The following HS3ST4 variants were observed in gnomAD, a reference collection of about 807,000 sequenced individuals.
HS3ST4 encodes the protein heparan sulfate-glucosamine 3-sulfotransferase 4.
In HS3ST4, 17 loss-of-function variants were observed where a neutral mutation model predicts 29.2. The observed-to-expected ratio is 0.58, with a 90% CI of 0.40 to 0.87. The LOEUF (loss-of-function observed/expected upper bound fraction) is 0.87. Among genes scored for constraint, HS3ST4 ranks in the 40% least tolerant of loss-of-function variants. HS3ST4 has a pLI of 0.00. For missense variants in HS3ST4, 627 were observed against 634.5 expected (o/e 0.99, Z 0.13); for synonymous variants, 314 against 285.7 (o/e 1.10, Z -1.00).
At chr16:25,716,702 A>G (rs963994162) in intron 1 of HS3ST4, among the ~76,000 whole-genome samples, 33 of 152,216 alleles carry the variant, frequency 2.2e-4, no homozygotes, top group African/African-American at 7.7e-4. Context: ...CAGGCAGAGC[A>G]TCTTATGAAG....
intron 1 of HS3ST4, among the ~76,000 whole-genome samples, chr16:25,975,107 G>C (rs185887064): frequency 1.3e-5 from 2 of 152,148 alleles, no homozygotes; most frequent in Non-Finnish European, 2.9e-5. Context: ...ATACTACAAA[G>C]CTGTAAAAAA....
chr16:26,067,284 A>G (rs1053490173), intron 1 of HS3ST4, among the ~76,000 whole-genome samples: 13 of 152,160 alleles, frequency 8.5e-5, no homozygotes, highest in African/African-American at 3.1e-4. Context: ...CCTAGAGAGA[A>G]GTTCTGAATC....
intron 1 of HS3ST4, among the ~76,000 whole-genome samples, chr16:25,768,308 T>A (rs1322322888): frequency 6.6e-6 from 1 of 152,322 alleles, no homozygotes; most frequent in Admixed American, 6.5e-5. Context: ...TGACATAACT[T>A]TGCTGAATAG....
At chr16:25,839,731 T>C (rs1184548593) in intron 1 of HS3ST4, among the ~76,000 whole-genome samples, 1 of 152,218 alleles carries the variant, frequency 6.6e-6, no homozygotes, top group Non-Finnish European at 1.5e-5. Context: ...CATGAGAGTC[T>C]AGGTCAGTCA....
At chr16:25,995,232 G>A (rs1256687024) in intron 1 of HS3ST4, among the ~76,000 whole-genome samples, 1 of 152,102 alleles carries the variant, frequency 6.6e-6, no homozygotes, top group Non-Finnish European at 1.5e-5. Flanking sequence ...CTGTGCAGAG[G>A]GTAGCAGCCC....
chr16:25,950,163 G>A (rs575947455), intron 1 of HS3ST4, among the ~76,000 whole-genome samples: 125 of 152,204 alleles, frequency 8.2e-4, no homozygotes, highest in Non-Finnish European at 1.1e-3. Flanking sequence ...GAAAAAAAAT[G>A]GAGGCTCTCA....
At chr16:25,765,320 G>A (rs141296398) in intron 1 of HS3ST4, among the ~76,000 whole-genome samples, 37 of 152,290 alleles carry the variant, frequency 2.4e-4, no homozygotes, top group African/African-American at 8.2e-4. Context: ...ATGCGGAGAC[G>A]CCGCTGGGAA....
chr16:25,751,103 G>C (rs1966716394), intron 1 of HS3ST4, among the ~76,000 whole-genome samples: 1 of 152,170 alleles, frequency 6.6e-6, no homozygotes, highest in South Asian at 2.1e-4. Context: ...GCTTAAAACT[G>C]CACAACTCCT....
At chr16:25,700,635 G>A (rs566349357) in intron 1 of HS3ST4, among the ~76,000 whole-genome samples, 3 of 152,272 alleles carry the variant, frequency 2.0e-5, no homozygotes, top group African/African-American at 7.2e-5. Context: ...TAAGGGTTTT[G>A]GTTTTGCATA....
At chr16:25,828,102 G>A (rs982282642) in intron 1 of HS3ST4, among the ~76,000 whole-genome samples, 2 of 151,752 alleles carry the variant, frequency 1.3e-5, no homozygotes, top group African/African-American at 4.8e-5. Context: ...TAGATAAAAA[G>A]CATAGTACCT....
At chr16:26,110,316 G>A (rs563912333) in intron 1 of HS3ST4, among the ~76,000 whole-genome samples, 1 of 152,186 alleles carries the variant, frequency 6.6e-6, no homozygotes, top group Non-Finnish European at 1.5e-5. Flanking sequence ...ATGTTCACCT[G>A]TTGATGGACA....
intron 1 of HS3ST4, among the ~76,000 whole-genome samples, chr16:25,900,713 AC>A (rs1291157926): frequency 3.3e-5 from 5 of 152,168 alleles, no homozygotes; most frequent in African/African-American, 1.2e-4. Flanking sequence ...GGTAAAACAT[AC>A]ACACTGGCTG....
chr16:25,818,865 T>C (rs1458334695), intron 1 of HS3ST4, among the ~76,000 whole-genome samples: 1 of 152,146 alleles, frequency 6.6e-6, no homozygotes, highest in Non-Finnish European at 1.5e-5. Flanking sequence ...AGTGGTGATA[T>C]CTGAAGACAG....
chr16:25,737,611 G>T (rs1355309285), intron 1 of HS3ST4, among the ~76,000 whole-genome samples: 1 of 152,006 alleles, frequency 6.6e-6, no homozygotes, highest in Non-Finnish European at 1.5e-5. Context: ...GTGGGAGGGG[G>T]GTGAGATATT....
At chr16:26,054,723 G>A (rs796450155) in intron 1 of HS3ST4, among the ~76,000 whole-genome samples, 45 of 152,202 alleles carry the variant, frequency 3.0e-4, no homozygotes, top group African/African-American at 1.0e-3. Context: ...CTGAGGACTG[G>A]GATTGTGGCT....
chr16:26,061,007 GA>G (rs1290019339), intron 1 of HS3ST4, among the ~76,000 whole-genome samples: 13 of 152,130 alleles, frequency 8.5e-5, no homozygotes, highest in African/African-American at 3.1e-4. Context: ...GATCTTTGAA[GA>G]ATCTCACTTA....
At chr16:25,939,913 G>T (rs1204351260) in intron 1 of HS3ST4, among the ~76,000 whole-genome samples, 2 of 152,186 alleles carry the variant, frequency 1.3e-5, no homozygotes. Flanking sequence ...CCAGTTTGAT[G>T]CCTAATTTAC....
At chr16:26,014,821 A>T (rs953815840) in intron 1 of HS3ST4, among the ~76,000 whole-genome samples, 1 of 152,198 alleles carries the variant, frequency 6.6e-6, no homozygotes, top group Non-Finnish European at 1.5e-5. Context: ...GACTGAAGTG[A>T]CTTTACCATC....
At chr16:25,796,673 C>T (rs1485196687) in intron 1 of HS3ST4, among the ~76,000 whole-genome samples, 3 of 152,218 alleles carry the variant, frequency 2.0e-5, no homozygotes, top group African/African-American at 7.2e-5. Context: ...AAGAAAGCAG[C>T]TTTACTGAGG....
Sources: allele counts gnomAD v4.1 joint callset (sites outside exome capture counted in the v4.1 genomes callset), GRCh38; gene constraint gnomAD v4.1.1; transcripts MANE v1.5; gene names NCBI Gene and HGNC (gene_info 2026-07-23, HGNC 2026-07-21).